Variants in ANKRD30A observed in about 807,000 individuals in gnomAD.
ANKRD30A encodes ankyrin repeat domain-containing protein 30A.
A neutral mutation model predicts 166.3 loss-of-function variants in ANKRD30A; 170 were observed. The ratio of observed to expected loss-of-function variants is 1.02; its 90% CI spans 0.90 to 1.16. ANKRD30A has a LOEUF of 1.16. ANKRD30A is among the 50% of genes most tolerant of loss of function. The pLI, the probability that ANKRD30A is intolerant of heterozygous loss-of-function variation, is 0.00. For synonymous variants in ANKRD30A, 564 were observed against 508.9 expected (o/e 1.11, Z -1.46); for missense variants, 1,630 against 1,518.0 (o/e 1.07, Z -1.23).
chr10:37,145,098 T>G, intron 8 of ANKRD30A, 42 bp downstream of exon 8: 1 of 1,411,078 alleles, frequency 7.1e-7, no homozygotes, highest in East Asian at 2.4e-5. Flanking sequence ...AATATTAATA[T>G]TGAGTGATGT....
the ANKRD30A span, among the ~76,000 whole-genome samples, chr10:37,254,219 C>G: frequency 9.4e-3 from 1,425 of 152,224 alleles, 30 homozygotes; most frequent in African/African-American, 0.033. Context: ...TTTCATTTCT[C>G]TTGTGTATGT....
At chr10:37,205,140 A>C (rs1026042348) in intron 31 of ANKRD30A, among the ~76,000 whole-genome samples, 1 of 152,184 alleles carries the variant, frequency 6.6e-6, no homozygotes, top group Non-Finnish European at 1.5e-5. Context: ...CTGTAAAGAC[A>C]CATGCACACA....
In ANKRD30A at chr10:37,219,576, A is replaced by G. The variant is rs577363810; in HGVS notation, c.3864A>G (p.Gln1288=). Residue 1288 remains glutamine (Q), a synonymous_variant, in exon 34 of 36, where the codon CAA becomes CAG. Coordinates refer to ENST00000361713, the MANE Select transcript of ANKRD30A (RefSeq NM_052997.3). ...TTTCAGAACATGCACAAAGAGACCA[A>G]CGTGAAACACAGTGTCAAATGAAGG... ...TLVSEHAQRD[Q]RETQCQMKEA... 27 of 1,610,232 alleles carry G rather than the reference A, an allele frequency of 1.7e-5. No homozygotes were observed. In the East Asian group the frequency reaches 3.8e-4, roughly 23 times the overall value.
At chr10:37,156,871 CT>C (rs35041356) in intron 13 of ANKRD30A, among the ~76,000 whole-genome samples, 1 of 152,080 alleles carries the variant, frequency 6.6e-6, no homozygotes, top group Non-Finnish European at 1.5e-5. Context: ...AATTTAAGCA[CT>C]TTTTTTCTAA....
chr10:37,164,912 A>T (rs1398372566), intron 17 of ANKRD30A, among the ~76,000 whole-genome samples, 182 bp from the exon 18 acceptor site: 1 of 152,108 alleles, frequency 6.6e-6, no homozygotes, highest in Non-Finnish European at 1.5e-5. Flanking sequence ...TAATTGTCAG[A>T]GTTTTTAGAT....
chr10:37,165,306 G>A, intron 18 of ANKRD30A, 151 bp downstream of exon 18: 4 of 777,698 alleles, frequency 5.1e-6, no homozygotes, highest in Non-Finnish European at 8.1e-6. Flanking sequence ...GAGAATCTAT[G>A]TGCTAAGTAG....
chr10:37,195,875 A>G (rs1346921731), intron 27 of ANKRD30A, among the ~76,000 whole-genome samples: 6 of 152,158 alleles, frequency 3.9e-5, no homozygotes, highest in Admixed American at 1.3e-4. Context: ...GAGCAGTTGG[A>G]TAGAAGGTCA....
At chr10:37,251,477 A>G in the ANKRD30A span, among the ~76,000 whole-genome samples, 1 of 152,246 alleles carries the variant, frequency 6.6e-6, no homozygotes, top group South Asian at 2.1e-4. Flanking sequence ...CCTTTCACCA[A>G]GTGCTGCCTG....
the ANKRD30A span, among the ~76,000 whole-genome samples, chr10:37,263,176 T>G: frequency 2.0e-5 from 3 of 151,454 alleles, no homozygotes; most frequent in Non-Finnish European, 4.4e-5. Flanking sequence ...ATGACCTGCC[T>G]GATATTTAAA....
chr10:37,241,218 A>C, the ANKRD30A span: 1 of 151,696 alleles, frequency 6.6e-6, no homozygotes, highest in Non-Finnish European at 1.5e-5. Flanking sequence ...CTCCTCTAGG[A>C]TCTACTAATG....
chr10:37,132,916 G>A (rs889120106), intron 4 of ANKRD30A, among the ~76,000 whole-genome samples: 20 of 151,906 alleles, frequency 1.3e-4, no homozygotes, highest in Admixed American at 1.2e-3. Context: ...CACGAGAATC[G>A]CTTGAACTTG....
At chr10:37,197,576 G>A in intron 29 of ANKRD30A, 96 bp downstream of exon 29, 1 of 1,574,282 alleles carries the variant, frequency 6.4e-7, no homozygotes, top group Non-Finnish European at 8.7e-7. Context: ...TTTCAACTTT[G>A]ATGATAAGTT....
the ANKRD30A span, among the ~76,000 whole-genome samples, chr10:37,240,632 C>T: frequency 1.3e-5 from 2 of 152,160 alleles, no homozygotes; most frequent in African/African-American, 4.8e-5. Context: ...TAGAATTTCA[C>T]AGTGATCTTC....
chr10:37,158,156 C>T lies in ANKRD30A; in HGVS notation c.1799-236C>T, dbSNP rs1438343660. Among the ~76,000 whole-genome samples the T allele has an allele frequency of 2.0e-5, 3 of 151,438 alleles. No individual in the cohort carries two copies. The South Asian group carries it at 6.4e-4, about 32-fold the overall frequency. ...GTTATTGTCACCTTAAATATATTTT[C>T]AATGTTGAAATCCTCACAGCATGTT... On this transcript the variant is annotated intron_variant, in intron 13 of 35. Transcript: ENST00000361713.
At chr10:37,159,634 A>G (rs12769708) in intron 15 of ANKRD30A, among the ~76,000 whole-genome samples, 2 of 152,112 alleles carry the variant, frequency 1.3e-5, no homozygotes, top group South Asian at 2.1e-4. Flanking sequence ...CTTATAGGCT[A>G]TATGTAGAAT....
In ANKRD30A at chr10:37,147,358, T is replaced by A. The variant is rs773801021; in HGVS notation, c.1456-12T>A. 2.6e-6 allele frequency: 4 copies of A among 1,533,054 alleles called. No individual in the cohort carries two copies. The highest frequency in any genetic ancestry group is 3.5e-6 in the Non-Finnish European group (4 of 1,130,256). The allele number at this position is 1,533,054 out of a possible 1,614,324, so 95.0% of individuals were successfully genotyped here. ...TAAAACTGAAATTATCTATTGATAC[T>A]ACTTTTAACAGAGTCTCTTTGAGAG... On this transcript the variant is annotated splice_polypyrimidine_tract_variant and intron_variant, in intron 8 of 35. Coordinates refer to ENST00000361713, the MANE Select transcript of ANKRD30A (RefSeq NM_052997.3).
At chr10:37,201,489 C>A (rs939551147) in intron 31 of ANKRD30A, among the ~76,000 whole-genome samples, 164 bp downstream of exon 31, 10 of 151,752 alleles carry the variant, frequency 6.6e-5, no homozygotes, top group African/African-American at 2.4e-4. Context: ...CAGGTGTTGG[C>A]AAAAGACTAT....
the ANKRD30A span, among the ~76,000 whole-genome samples, chr10:37,255,045 G>A: frequency 4.6e-5 from 7 of 151,966 alleles, no homozygotes; most frequent in South Asian, 1.0e-3. Flanking sequence ...GATGAAGCCC[G>A]GTTCATTTTC....
the ANKRD30A span, among the ~76,000 whole-genome samples, chr10:37,259,066 A>G: frequency 3.7e-3 from 559 of 152,126 alleles, 7 homozygotes; most frequent in East Asian, 0.063. Context: ...ATAAGCATTA[A>G]CTATAAAGAA....
Sources: allele counts gnomAD v4.1 joint callset (sites outside exome capture counted in the v4.1 genomes callset), GRCh38; gene constraint gnomAD v4.1.1; transcripts MANE v1.5; gene names NCBI Gene and HGNC (gene_info 2026-07-23, HGNC 2026-07-21).